FSTL5: variants seen among roughly 807,000 people sequenced by gnomAD.
The protein encoded by FSTL5 is follistatin-related protein 5.
Under a neutral mutation model 89.1 loss-of-function variants are expected in FSTL5, and 62 were observed. The observed-to-expected ratio is 0.70, with a 90% confidence interval of 0.57 to 0.86. The LOEUF is 0.86. FSTL5 is among the 40% of genes least tolerant of loss of function. The pLI is 0.00. For synonymous variants in FSTL5, 383 were observed against 346.2 expected (o/e 1.11, Z -1.18); for missense variants, 1,057 against 1,001.6 (o/e 1.06, Z -0.75).
At chr4:161,984,864 C>T (rs1350288749) in intron 3 of FSTL5, among the ~76,000 whole-genome samples, 7 of 151,972 alleles carry the variant, frequency 4.6e-5, no homozygotes, top group African/African-American at 1.7e-4. Flanking sequence ...GATTCCTTGG[C>T]CCTAGTCAGA....
At chr4:161,937,883 T>C (rs1481635972) in intron 3 of FSTL5, among the ~76,000 whole-genome samples, 2 of 152,156 alleles carry the variant, frequency 1.3e-5, no homozygotes, top group African/African-American at 4.8e-5. Context: ...GCCCTGCTTA[T>C]TGAAATATTC....
intron 3 of FSTL5, among the ~76,000 whole-genome samples, chr4:161,954,105 G>T (rs1353617783): frequency 6.6e-6 from 1 of 151,456 alleles, no homozygotes; most frequent in Non-Finnish European, 1.5e-5. Flanking sequence ...TATTATTATA[G>T]ATAAACCCTA....
chr4:161,606,157 G>A (rs1206558311), intron 7 of FSTL5, among the ~76,000 whole-genome samples: 1 of 151,506 alleles, frequency 6.6e-6, no homozygotes, highest in Non-Finnish European at 1.5e-5. Flanking sequence ...GAGTAAACCC[G>A]GCCAAGATCA....
intron 15 of FSTL5, among the ~76,000 whole-genome samples, chr4:161,445,646 TA>T (rs1433816373): frequency 1.3e-5 from 2 of 151,986 alleles, no homozygotes; most frequent in African/African-American, 4.8e-5. Flanking sequence ...CTGTTAGTGG[TA>T]AAAGTATCAA....
At chr4:162,101,062 G>A (rs966869986) in intron 2 of FSTL5, among the ~76,000 whole-genome samples, 21 of 152,144 alleles carry the variant, frequency 1.4e-4, no homozygotes, top group Admixed American at 1.2e-3. Context: ...ACACACAATC[G>A]CCTTCAGACA....
At chr4:161,997,627 C>T (rs1394289636) in intron 3 of FSTL5, among the ~76,000 whole-genome samples, 7 of 112,286 alleles carry the variant, frequency 6.2e-5, no homozygotes, top group Admixed American at 3.4e-4. Flanking sequence ...TTTTTTGAGA[C>T]GGAGTCTTGC....
At chr4:161,970,479 A>C (rs1013907805) in intron 3 of FSTL5, among the ~76,000 whole-genome samples, 1 of 152,128 alleles carries the variant, frequency 6.6e-6, no homozygotes, top group African/African-American at 2.4e-5. Flanking sequence ...AAGTGTCATT[A>C]GGGCATACTA....
intron 2 of FSTL5, among the ~76,000 whole-genome samples, chr4:162,108,005 A>C (rs980111964): frequency 6.6e-6 from 1 of 152,170 alleles, no homozygotes; most frequent in Non-Finnish European, 1.5e-5. Flanking sequence ...TGCAATATTT[A>C]AGTTAAAATG....
chr4:161,840,552 T>C (rs2126871243), intron 4 of FSTL5, among the ~76,000 whole-genome samples: 1 of 152,318 alleles, frequency 6.6e-6, no homozygotes, highest in South Asian at 2.1e-4. Context: ...ACCCTGTTGA[T>C]ATCTACAGAC....
chr4:161,833,975 C>T (rs1730941543), intron 4 of FSTL5, among the ~76,000 whole-genome samples: 2 of 152,006 alleles, frequency 1.3e-5, no homozygotes, highest in South Asian at 2.1e-4. Flanking sequence ...TCTTCCTAGC[C>T]TCGATGGTCT....
chr4:161,583,990 CCT>C (rs966573374), intron 8 of FSTL5, among the ~76,000 whole-genome samples: 3 of 152,042 alleles, frequency 2.0e-5, no homozygotes, highest in African/African-American at 7.2e-5. Flanking sequence ...TAACTATTCC[CCT>C]ACTTACTCAC....
chr4:161,531,143 T>A, intron 10 of FSTL5, among the ~76,000 whole-genome samples: 1 of 152,166 alleles, frequency 6.6e-6, no homozygotes, highest in East Asian at 1.9e-4. Flanking sequence ...AAGCACATAT[T>A]TTTTGTCATT....
chr4:161,870,802 G>T (rs1241612885), intron 4 of FSTL5, among the ~76,000 whole-genome samples: 1 of 151,932 alleles, frequency 6.6e-6, no homozygotes, highest in Non-Finnish European at 1.5e-5. Flanking sequence ...ATAATTTTCT[G>T]CTAGGAAACA....
chr4:161,693,169 C>T lies in FSTL5; in HGVS notation c.728-36675G>A, dbSNP rs116218473. 3.8e-3 allele frequency among the ~76,000 whole-genome samples: 581 copies of T among 152,262 alleles called. 2 individuals carry two copies. The highest frequency in any genetic ancestry group is 0.013 in the African/African-American group (521 of 41,560). ...ATTCCTGGAATAAATCCCACTTGTT[C>T]GTGGTGTACAAACATGCTGTTGAAT... is the stretch of plus-strand genomic sequence containing the variant. On this transcript the variant is annotated intron_variant, in intron 6 of 15. Transcript: ENST00000306100.
At chr4:161,568,769 TTTG>T (rs1049928005) in intron 8 of FSTL5, among the ~76,000 whole-genome samples, 1 of 152,210 alleles carries the variant, frequency 6.6e-6, no homozygotes, top group Non-Finnish European at 1.5e-5. Flanking sequence ...AAGCAGTTTT[TTTG>T]TTGTTGTTGT....
intron 4 of FSTL5, among the ~76,000 whole-genome samples, chr4:161,805,326 A>C (rs1729930041): frequency 6.6e-6 from 1 of 152,138 alleles, no homozygotes. Context: ...GATTAGATTT[A>C]TTTGCTGAGA....
At chr4:162,039,102 T>TGAAGCA (rs1333656247) in intron 2 of FSTL5, among the ~76,000 whole-genome samples, 1 of 151,694 alleles carries the variant, frequency 6.6e-6, no homozygotes, top group Non-Finnish European at 1.5e-5. Flanking sequence ...GACATAAGAG[T>TGAAGCA]GAAGCACATG....
intron 7 of FSTL5, among the ~76,000 whole-genome samples, chr4:161,609,052 A>G (rs114286115): frequency 0.049 from 7,499 of 152,022 alleles, 596 homozygotes; most frequent in African/African-American, 0.17. Context: ...AATTATATTA[A>G]CTTACATTTT....
At chr4:161,517,479 G>A (rs1175236464) in intron 10 of FSTL5, among the ~76,000 whole-genome samples, 9 of 152,136 alleles carry the variant, frequency 5.9e-5, no homozygotes, top group Admixed American at 3.3e-4. Context: ...CCTGACAGGA[G>A]TGACTGAAAC....
Sources: allele counts gnomAD v4.1 joint callset (sites outside exome capture counted in the v4.1 genomes callset), GRCh38; gene constraint gnomAD v4.1.1; transcripts MANE v1.5; gene names NCBI Gene and HGNC (gene_info 2026-07-23, HGNC 2026-07-21).